The following PRDM1 variants were observed in gnomAD, a reference collection of about 807,000 sequenced individuals.
PRDM1 encodes the protein PR domain zinc finger protein 1.
In PRDM1, 13 loss-of-function variants were observed where a neutral mutation model predicts 62.8. The observed-to-expected ratio is 0.21, with a 90% confidence interval of 0.13 to 0.33. PRDM1 has a LOEUF of 0.33. Ranked by LOEUF, PRDM1 falls within the 10% of genes least tolerant of loss-of-function variation. The pLI, the probability that PRDM1 is intolerant of heterozygous loss-of-function variation, is 1.00. For missense variants in PRDM1, 895 were observed against 1,058.8 expected (o/e 0.85, Z 2.15); for synonymous variants, 396 against 417.6 (o/e 0.95, Z 0.63).
chr6:106,057,484 G>C (rs1195775514), intron 1 of PRDM1, among the ~76,000 whole-genome samples: 1 of 152,180 alleles, frequency 6.6e-6, no homozygotes, highest in African/African-American at 2.4e-5. Flanking sequence ...TTTTGGTTTG[G>C]AATGCATACT....
rs1290376497 is a variant in PRDM1 at position 106,105,561 on chromosome 6, G to A, written c.1401G>A (p.Pro467=). 8.1e-6 allele frequency: 13 copies of A among 1,612,502 alleles called. No homozygotes were observed. The highest frequency in any genetic ancestry group is 2.7e-5 in the African/African-American group (2 of 74,858). The part of the protein sequence containing the change: ...PHPMLNPTSL[P]SSLPSDGARR... ...CCATGCTCAACCCCACTTCTCTCCC[G>A]AGCTCGCTGCCCTCAGATGGAGCCC... Residue 467 remains proline, a synonymous_variant, in exon 5 of 7, where the codon CCG becomes CCA. Transcript: ENST00000369096.
chr6:106,086,331 C>A (rs1317617644), upstream of PRDM1: 3 of 474,470 alleles, frequency 6.3e-6, no homozygotes, highest in African/African-American at 2.0e-5. Context: ...GGAAGCCAGA[C>A]GGTTAACACA....
intron 2 of PRDM1, among the ~76,000 whole-genome samples, chr6:106,092,512 A>T (rs1446961221): frequency 6.6e-6 from 1 of 152,230 alleles, no homozygotes; most frequent in Admixed American, 6.5e-5. Flanking sequence ...TTCTTGAGTT[A>T]GGTGAACACA....
At chr6:106,011,811 C>A (rs1772552729) in intron 1 of PRDM1, among the ~76,000 whole-genome samples, 1 of 151,982 alleles carries the variant, frequency 6.6e-6, no homozygotes, top group Non-Finnish European at 1.5e-5. Context: ...CAGTCACTCA[C>A]ATACACACCC....
chr6:106,038,802 A>T lies in PRDM1; in HGVS notation c.-67+45163A>T, dbSNP rs192374196. On this transcript the variant is annotated intron_variant, in intron 1 of 6. Transcript: ENST00000652320. ...CTGAGTTAAGAGCTGAAATTGACCAAAATTAACCATAATTTGACATCCAAG... is the reference window on the plus strand; with the variant it reads ...CTGAGTTAAGAGCTGAAATTGACCATAATTAACCATAATTTGACATCCAAG... Among the ~76,000 whole-genome samples the T allele has an allele frequency of 1.8e-4, 28 of 152,298 alleles. No homozygotes were observed. In the East Asian group the frequency reaches 3.3e-3, roughly 18 times the overall value.
intron 1 of PRDM1, among the ~76,000 whole-genome samples, chr6:106,064,610 A>T (rs1773398937): frequency 6.6e-6 from 1 of 152,126 alleles, no homozygotes; most frequent in African/African-American, 2.4e-5. Flanking sequence ...ATAGCAGGAA[A>T]ATCTTCTCTC....
rs1408926564 is a variant in PRDM1 at position 106,079,256 on chromosome 6, C to T, written c.-66-8945C>T. Among the ~76,000 whole-genome samples the T allele has an allele frequency of 2.6e-5, 4 of 152,012 alleles. No individual in the cohort carries two copies. In the East Asian group the frequency reaches 5.8e-4, roughly 22 times the overall value. On this transcript the variant is annotated intron_variant, in intron 1 of 6. Transcript: ENST00000651185. The stretch of plus-strand genomic sequence containing the variant: ...CTGGGATTACAGGGGTGAGCCACCG[C>T]GCCTGGTCTATTATTTTTAACATTT...
chr6:106,099,062 A>T lies in PRDM1; in HGVS notation c.412-238A>T. ...TTTCATTTTTCTGTTATTTTCCCGAACATGAAAAGACGATAAAACTGAAAT... is the reference window on the plus strand; with the variant it reads ...TTTCATTTTTCTGTTATTTTCCCGATCATGAAAAGACGATAAAACTGAAAT... On this transcript the variant is annotated intron_variant, in intron 3 of 6. Coordinates refer to ENST00000369096, the MANE Select transcript of PRDM1 (RefSeq NM_001198.4). 4 of 1,614,048 alleles carry T rather than the reference A, an allele frequency of 2.5e-6. No individual in the cohort carries two copies. In the East Asian group the frequency reaches 8.9e-5, roughly 36 times the overall value.
chr6:106,081,585 T>G (rs1773695211), upstream of PRDM1, among the ~76,000 whole-genome samples: 1 of 152,184 alleles, frequency 6.6e-6, no homozygotes, highest in African/African-American at 2.4e-5. Flanking sequence ...TAAATCCCCT[T>G]TGGAGCAGAA....
intron 3 of PRDM1, chr6:106,098,813 G>C: frequency 1.3e-6 from 2 of 1,518,870 alleles, no homozygotes; most frequent in Non-Finnish European, 1.8e-6. Context: ...GCCTTGGGCG[G>C]GGGTGTAGGA....
At chr6:105,999,109 G>A (rs981856229) in intron 1 of PRDM1, among the ~76,000 whole-genome samples, 1 of 151,502 alleles carries the variant, frequency 6.6e-6, no homozygotes, top group Non-Finnish European at 1.5e-5. Flanking sequence ...AGCTAATTTT[G>A]TTTAATTTTT....
At chr6:106,064,801 G>C (rs1232343186) in intron 1 of PRDM1, among the ~76,000 whole-genome samples, 1 of 152,212 alleles carries the variant, frequency 6.6e-6, no homozygotes, top group East Asian at 1.9e-4. Context: ...GAACAGCACA[G>C]AGCCTTGGAA....
intron 1 of PRDM1, among the ~76,000 whole-genome samples, chr6:106,010,742 C>T (rs954849971): frequency 5.9e-5 from 9 of 152,188 alleles, no homozygotes; most frequent in Non-Finnish European, 1.0e-4. Context: ...GCCGTATTAT[C>T]ACCACGTGCC....
chr6:106,011,298 G>A (rs1772545233), intron 1 of PRDM1, among the ~76,000 whole-genome samples: 1 of 152,184 alleles, frequency 6.6e-6, no homozygotes, highest in Non-Finnish European at 1.5e-5. Context: ...CTAGTCTGTG[G>A]AAAGGGCAGT....
chr6:106,000,303 G>C (rs1562141633), intron 1 of PRDM1, among the ~76,000 whole-genome samples: 4 of 152,068 alleles, frequency 2.6e-5, no homozygotes, highest in Admixed American at 2.0e-4. Context: ...AGGGGCAGTG[G>C]TGCACACCTG....
At chr6:106,073,719 C>T (rs1773556860) in intron 1 of PRDM1, among the ~76,000 whole-genome samples, 1 of 152,180 alleles carries the variant, frequency 6.6e-6, no homozygotes, top group South Asian at 2.1e-4. Flanking sequence ...AGTCACTGTA[C>T]ATGGAATCCC....
chr6:106,049,662 A>G (rs2114582477), intron 1 of PRDM1, among the ~76,000 whole-genome samples: 1 of 152,210 alleles, frequency 6.6e-6, no homozygotes, highest in East Asian at 1.9e-4. Flanking sequence ...TCCTTCCCTG[A>G]ATTGCGTGCA....
rs755211447 is a variant in PRDM1, at chr6:106,105,337, G to A, written c.1177G>A (p.Ala393Thr). 3 of 1,612,648 alleles carry A rather than the reference G, an allele frequency of 1.9e-6. No individual in the cohort carries two copies. Among genetic ancestry groups the A allele is most frequent in the South Asian group, 2.2e-5 (2 of 90,950 alleles). ...AGGTTTGGGCTCCTACCCTGGCTAC[G>A]CACCCCTGCCCCACCTCCCGCCAGC... ...TEGLGSYPGY[A>T]PLPHLPPAFI... Residue 393 changes from alanine to threonine, a missense_variant, in exon 5 of 7, where the codon GCA (alanine) becomes ACA (threonine). Coordinates refer to ENST00000369096, the MANE Select transcript of PRDM1 (RefSeq NM_001198.4).
intron 2 of PRDM1, among the ~76,000 whole-genome samples, chr6:106,092,953 A>G (rs1311950965): frequency 6.6e-6 from 1 of 152,154 alleles, no homozygotes; most frequent in Non-Finnish European, 1.5e-5. Flanking sequence ...ACTGTATGTA[A>G]TTGAAATTTA....
Sources: gnomAD v4.1 joint callset for allele counts (sites outside exome capture counted in the v4.1 genomes callset) on GRCh38, gnomAD v4.1.1 for gene constraint, MANE v1.5 for transcripts, NCBI Gene and HGNC (gene_info 2026-07-23, HGNC 2026-07-21) for gene names.